The following TRPC6 variants were observed in gnomAD, a reference collection of about 807,000 sequenced individuals.
TRPC6 encodes the protein transient receptor potential cation channel subfamily C member 6, also known as short transient receptor potential channel 6.
Under a neutral mutation model 90.7 loss-of-function variants are expected in TRPC6, and 55 were observed. The ratio of observed to expected loss-of-function variants is 0.61; its 90% confidence interval spans 0.49 to 0.76. The LOEUF (loss-of-function observed/expected upper bound fraction) is 0.76, where lower values mean the gene tolerates loss of function less well. Among genes scored for constraint, TRPC6 ranks in the 30% least tolerant of loss-of-function variants. The pLI, the probability that TRPC6 is intolerant of heterozygous loss-of-function variation, is 0.00. For missense variants in TRPC6, 989 were observed against 1,122.7 expected (o/e 0.88, Z 1.70); for synonymous variants, 393 against 393.0 (o/e 1.00, Z 0.00).
chr11:101,579,404 T>G (rs971945343), intron 1 of TRPC6, among the ~76,000 whole-genome samples: 13 of 152,208 alleles, frequency 8.5e-5, no homozygotes, highest in Non-Finnish European at 1.8e-4. Flanking sequence ...AACTACTGCA[T>G]GTCTTATATC....
chr11:101,472,454 C>G (rs568737166), intron 7 of TRPC6, 122 bp from the exon 8 acceptor site: 11 of 925,336 alleles, frequency 1.2e-5, no homozygotes, highest in Admixed American at 2.8e-5. Context: ...AAATTCTTCA[C>G]TTCTCTGAAG....
At chr11:101,461,944 T>TA (rs2136651181) in intron 10 of TRPC6, among the ~76,000 whole-genome samples, 1 of 152,256 alleles carries the variant, frequency 6.6e-6, no homozygotes, top group South Asian at 2.1e-4. Context: ...CCTTGCTAGG[T>TA]ATGTTATTTC....
At chr11:101,516,884 G>A (rs987734515) in intron 1 of TRPC6, among the ~76,000 whole-genome samples, 3 of 152,222 alleles carry the variant, frequency 2.0e-5, no homozygotes, top group Non-Finnish European at 4.4e-5. Flanking sequence ...TTACCTCAGA[G>A]GCGAGAGAGG....
At chr11:101,494,735 A>C (rs1364382523) in intron 2 of TRPC6, among the ~76,000 whole-genome samples, 1 of 152,246 alleles carries the variant, frequency 6.6e-6, no homozygotes, top group African/African-American at 2.4e-5. Context: ...AGTAAAGTGC[A>C]AGAGCTTTGT....
chr11:101,530,727 C>T (rs1248672550), intron 1 of TRPC6, among the ~76,000 whole-genome samples: 1 of 152,148 alleles, frequency 6.6e-6, no homozygotes, highest in Non-Finnish European at 1.5e-5. Context: ...AGCTCGAGCC[C>T]CTGGTAACAG....
intron 1 of TRPC6, among the ~76,000 whole-genome samples, chr11:101,581,720 C>A (rs1050918570): frequency 6.6e-6 from 1 of 152,090 alleles, no homozygotes; most frequent in African/African-American, 2.4e-5. Flanking sequence ...ATTTATTTTT[C>A]TTTCTATTCT....
At chr11:101,516,266 C>T (rs893602411) in intron 1 of TRPC6, among the ~76,000 whole-genome samples, 7 of 152,062 alleles carry the variant, frequency 4.6e-5, no homozygotes, top group African/African-American at 1.7e-4. Flanking sequence ...AGACTGTAAA[C>T]CTAGGTTTGC....
At chr11:101,558,584 G>T (rs1255110707) in intron 1 of TRPC6, among the ~76,000 whole-genome samples, 2 of 151,486 alleles carry the variant, frequency 1.3e-5, no homozygotes, top group East Asian at 1.9e-4. Flanking sequence ...TTGGGACAGG[G>T]TCTTGCTCTG....
intron 1 of TRPC6, among the ~76,000 whole-genome samples, chr11:101,570,788 T>C (rs1486097317): frequency 6.6e-6 from 1 of 152,124 alleles, no homozygotes; most frequent in Non-Finnish European, 1.5e-5. Flanking sequence ...ATGATCTCAA[T>C]AGATGCAGAA....
At chr11:101,481,670 C>A (rs556827139) in intron 5 of TRPC6, among the ~76,000 whole-genome samples, 1 of 152,108 alleles carries the variant, frequency 6.6e-6, no homozygotes, top group Non-Finnish European at 1.5e-5. Context: ...AGGGTGCTCT[C>A]GAGTCCTTTC....
chr11:101,455,197 T>C lies in TRPC6; in HGVS notation c.2485-96A>G, dbSNP rs1858855956. The stretch of plus-strand genomic sequence containing the variant: ...TATCTAATGAACTAATAGTCTTACA[T>C]ACACAAATTATCTATATGTATAGTG... On this transcript the variant is annotated intron_variant, in intron 10 of 12. Transcript: ENST00000344327. 7 of 949,178 alleles carry C rather than the reference T, an allele frequency of 7.4e-6. No homozygotes were observed. In the Admixed American group the frequency reaches 7.8e-5, roughly 11 times the overall value. The allele number at this position is 949,178 out of a possible 1,614,324, so 58.8% of individuals were successfully genotyped here. A position where few individuals can be genotyped will look rare whatever the true frequency, so the allele number is the denominator to read the frequency against.
At chr11:101,499,585 C>A (rs1246482701) in intron 2 of TRPC6, among the ~76,000 whole-genome samples, 1 of 66,798 alleles carries the variant, frequency 1.5e-5, no homozygotes. Flanking sequence ...TGTATATATA[C>A]GTATATATAT....
At chr11:101,478,353 T>C (rs1859462662) in intron 5 of TRPC6, among the ~76,000 whole-genome samples, 1 of 152,118 alleles carries the variant, frequency 6.6e-6, no homozygotes, top group Non-Finnish European at 1.5e-5. Context: ...CGGCAGTTTT[T>C]TTCCCCCTAC....
intron 2 of TRPC6, among the ~76,000 whole-genome samples, chr11:101,498,366 A>C (rs1860004395): frequency 6.6e-6 from 1 of 152,066 alleles, no homozygotes; most frequent in Admixed American, 6.6e-5. Flanking sequence ...TTCTTTAAAA[A>C]CCTGCAACTC....
intron 4 of TRPC6, among the ~76,000 whole-genome samples, chr11:101,486,989 A>G (rs1328061526): frequency 6.6e-6 from 1 of 152,168 alleles, no homozygotes; most frequent in Non-Finnish European, 1.5e-5. Flanking sequence ...ATTTGCCTCA[A>G]TGTTCATAAA....
intron 1 of TRPC6, among the ~76,000 whole-genome samples, chr11:101,540,221 C>T (rs544381324): frequency 6.6e-6 from 1 of 152,268 alleles, no homozygotes; most frequent in Admixed American, 6.5e-5. Flanking sequence ...CTGCCTGAGG[C>T]CTCTGCTCTT....
In TRPC6 at chr11:101,509,387, C is replaced by T. The variant is rs576633198; in HGVS notation, c.171-4589G>A. On this transcript the variant is annotated intron_variant, in intron 1 of 12. Transcript: ENST00000344327. ...TACTGGGATTACAGGTATGAGCCACCACACCTGCCCTTTGTTTGTCTTTTT... is the reference window on the plus strand; with the variant it reads ...TACTGGGATTACAGGTATGAGCCACTACACCTGCCCTTTGTTTGTCTTTTT... Among the ~76,000 whole-genome samples, 342 of 152,144 alleles carry T rather than the reference C, an allele frequency of 2.2e-3. 5 individuals are homozygous for T. Among genetic ancestry groups the T allele is most frequent in the African/African-American group, 8.0e-3 (330 of 41,484 alleles).
rs775243289 is a variant in TRPC6, at chr11:101,489,022, AT to A, written c.1207del (p.Met403TrpfsTer33). 13 of 1,614,076 alleles carry A rather than the reference AT, an allele frequency of 8.1e-6. No homozygotes were observed. Among genetic ancestry groups the A allele is most frequent in the African/African-American group, 1.3e-5 (1 of 74,942 alleles). On this transcript the variant is annotated frameshift_variant, in exon 4 of 13. Coordinates refer to ENST00000344327, the MANE Select transcript of TRPC6 (RefSeq NM_004621.6). LOFTEE classifies it high-confidence loss of function. ...AAGGACCACAAGGAACTTGACCGCC[AT>A]TGTCTGCTGTCGTAAACCAGAAAGA... ...ENLSGLRQQT[M>X]AVKFLVVLAV...
At chr11:101,554,301 G>C (rs578136865) in intron 1 of TRPC6, among the ~76,000 whole-genome samples, 1 of 151,846 alleles carries the variant, frequency 6.6e-6, no homozygotes, top group African/African-American at 2.4e-5. Context: ...AGAGAAGCTG[G>C]AACAACAAAA....
Sources: allele counts gnomAD v4.1 joint callset (sites outside exome capture counted in the v4.1 genomes callset), GRCh38; gene constraint gnomAD v4.1.1; transcripts MANE v1.5; gene names NCBI Gene and HGNC (gene_info 2026-07-23, HGNC 2026-07-21).